GPR39: variants seen among roughly 807,000 people sequenced by gnomAD.
GPR39 encodes G protein-coupled receptor 39.
Under a neutral mutation model 18.4 loss-of-function variants are expected in GPR39, and 23 were observed. The observed-to-expected ratio is 1.25, with a 90% CI of 0.90 to 1.77. The LOEUF (loss-of-function observed/expected upper bound fraction) is 1.77. Among genes scored for constraint, GPR39 ranks in the 40% most tolerant of loss-of-function variants. The pLI, the probability that GPR39 is intolerant of heterozygous loss-of-function variation, is 0.00. For synonymous variants in GPR39, 280 were observed against 257.9 expected (o/e 1.09, Z -0.82); for missense variants, 647 against 602.4 (o/e 1.07, Z -0.78).
At chr2:132,424,860 T>C (rs1680089304) in intron 1 of GPR39, among the ~76,000 whole-genome samples, 2 of 152,182 alleles carry the variant, frequency 1.3e-5, no homozygotes, top group Admixed American at 6.5e-5. Context: ...TCCTTTCCAT[T>C]AGGCAGACCT....
intron 1 of GPR39, among the ~76,000 whole-genome samples, chr2:132,464,758 TA>T (rs1461652036): frequency 6.6e-6 from 1 of 152,192 alleles, no homozygotes; most frequent in Non-Finnish European, 1.5e-5. Flanking sequence ...CAATAAATTG[TA>T]GTCAAGAGTA....
chr2:132,493,307 TATACCATATATATACAC>T (rs1681550957), intron 1 of GPR39, among the ~76,000 whole-genome samples: 1 of 146,082 alleles, frequency 6.8e-6, no homozygotes, highest in Admixed American at 6.9e-5. Flanking sequence ...ACACCATATA[TATACCATATATATACAC>T]ATACCATATA....
At chr2:132,538,677 C>G (rs148335759) in intron 1 of GPR39, among the ~76,000 whole-genome samples, 151 of 152,304 alleles carry the variant, frequency 9.9e-4, no homozygotes, top group Admixed American at 6.8e-3. Flanking sequence ...CATCCCTCCC[C>G]CCGGGTGCTC....
intron 1 of GPR39, among the ~76,000 whole-genome samples, chr2:132,518,863 G>A (rs575372882): frequency 5.3e-4 from 81 of 152,222 alleles, no homozygotes; most frequent in African/African-American, 1.7e-3. Context: ...AAAATCCAGC[G>A]TGTATTTTAC....
intron 1 of GPR39, among the ~76,000 whole-genome samples, chr2:132,635,171 C>T (rs538913362): frequency 6.6e-6 from 1 of 152,332 alleles, no homozygotes; most frequent in African/African-American, 2.4e-5. Flanking sequence ...CTAATACTGA[C>T]CTCTTTGACA....
At chr2:132,602,848 T>C (rs1225326925) in intron 1 of GPR39, among the ~76,000 whole-genome samples, 1 of 140,528 alleles carries the variant, frequency 7.1e-6, no homozygotes. Context: ...GAGACCTTTT[T>C]AGCCTAGAAT....
intron 1 of GPR39, among the ~76,000 whole-genome samples, chr2:132,537,689 G>A (rs1014779790): frequency 6.6e-6 from 1 of 151,840 alleles, no homozygotes; most frequent in South Asian, 2.1e-4. Context: ...CCAATCAATC[G>A]TAGGTTCAGT....
intron 1 of GPR39, among the ~76,000 whole-genome samples, chr2:132,596,799 G>A (rs566018501): frequency 5.3e-5 from 8 of 152,240 alleles, no homozygotes; most frequent in Non-Finnish European, 8.8e-5. Flanking sequence ...AATTAAATCA[G>A]GATCTCTGGG....
chr2:132,526,213 T>G (rs897219901), intron 1 of GPR39, among the ~76,000 whole-genome samples: 1 of 152,212 alleles, frequency 6.6e-6, no homozygotes, highest in Non-Finnish European at 1.5e-5. Context: ...TGGAGATGTT[T>G]TTAGCATGCG....
In GPR39 at chr2:132,541,413, G is replaced by T. The variant is rs559067592; in HGVS notation, c.857-103688G>T. Among the ~76,000 whole-genome samples, 27 of 152,210 alleles carry T rather than the reference G, an allele frequency of 1.8e-4. 2 individuals are homozygous for T. The South Asian group carries it at 1.9e-3, about 11-fold the overall frequency. ...TGGACTTTTTCTATAACAAGCCTGA[G>T]CCTGGGCTGGGATCATAAACTGTCT... On this transcript the variant is annotated intron_variant, in intron 1 of 1. Coordinates refer to ENST00000329321, the MANE Select transcript of GPR39 (RefSeq NM_001508.3).
At chr2:132,547,163 AACAGAG>A (rs1679965322) in intron 1 of GPR39, among the ~76,000 whole-genome samples, 3 of 152,208 alleles carry the variant, frequency 2.0e-5, no homozygotes, top group Non-Finnish European at 4.4e-5. Flanking sequence ...ATGGTCTCCT[AACAGAG>A]TCCTTTGAGG....
intron 1 of GPR39, among the ~76,000 whole-genome samples, chr2:132,605,411 C>T (rs955561966): frequency 6.6e-6 from 1 of 151,980 alleles, no homozygotes; most frequent in African/African-American, 2.4e-5. Context: ...CATTAGTCTG[C>T]TCAGTGGCCT....
intron 1 of GPR39, among the ~76,000 whole-genome samples, chr2:132,537,766 C>T (rs1284472703): frequency 1.3e-5 from 2 of 151,850 alleles, no homozygotes; most frequent in African/African-American, 2.4e-5. Context: ...TTTCTCTAAT[C>T]TTGTCTGCAT....
At chr2:132,479,702 C>T (rs1681195849) in intron 1 of GPR39, among the ~76,000 whole-genome samples, 1 of 152,214 alleles carries the variant, frequency 6.6e-6, no homozygotes, top group Non-Finnish European at 1.5e-5. Flanking sequence ...CAGAAAATAG[C>T]AAGTGTTGGA....
At chr2:132,430,786 G>A (rs1205221767) in intron 1 of GPR39, among the ~76,000 whole-genome samples, 1 of 152,192 alleles carries the variant, frequency 6.6e-6, no homozygotes, top group African/African-American at 2.4e-5. Flanking sequence ...CCAGGAGAGC[G>A]GGTTACAGAG....
At chr2:132,455,474 A>G (rs113471580) in intron 1 of GPR39, among the ~76,000 whole-genome samples, 1 of 151,882 alleles carries the variant, frequency 6.6e-6, no homozygotes, top group Non-Finnish European at 1.5e-5. Context: ...TTGTTTCTCT[A>G]TCTCTTTCAG....
intron 1 of GPR39, among the ~76,000 whole-genome samples, chr2:132,587,688 C>T (rs1680754816): frequency 6.6e-6 from 1 of 152,120 alleles, no homozygotes; most frequent in Admixed American, 6.5e-5. Flanking sequence ...GCACCCACCA[C>T]CACACCCTGC....
In GPR39 at chr2:132,420,872, G is replaced by A. The variant is rs566388880; in HGVS notation, c.856+2974G>A. On this transcript the variant is annotated intron_variant, in intron 1 of 1. Coordinates refer to ENST00000329321, the MANE Select transcript of GPR39 (RefSeq NM_001508.3). ...ACTCTGGGAGAGAAAGAGAGGCTGG[G>A]ATACCTACTAGCTCTCAAGCAATTT... is the stretch of plus-strand genomic sequence containing the variant. 5.9e-4 allele frequency among the ~76,000 whole-genome samples: 90 copies of A among 152,298 alleles called. 1 individual carries two copies. The highest frequency in any genetic ancestry group is 1.1e-3 in the Non-Finnish European group (76 of 68,018).
chr2:132,580,053 G>C (rs1680596180), intron 1 of GPR39, among the ~76,000 whole-genome samples: 1 of 152,214 alleles, frequency 6.6e-6, no homozygotes, highest in African/African-American at 2.4e-5. Context: ...AGCTCTATGA[G>C]AGGTAGTGTT....
Sources: gnomAD v4.1 joint callset for allele counts (sites outside exome capture counted in the v4.1 genomes callset) on GRCh38, gnomAD v4.1.1 for gene constraint, MANE v1.5 for transcripts, NCBI Gene and HGNC (gene_info 2026-07-23, HGNC 2026-07-21) for gene names.